The following CELF2 variants were observed in gnomAD, a reference collection of about 807,000 sequenced individuals.
CELF2 encodes CUGBP Elav-like family member 2, also known as CUG triplet repeat RNA-binding protein 2.
A neutral mutation model predicts 62.6 loss-of-function variants in CELF2; 8 were observed. That is an observed-to-expected ratio of 0.13 (90% CI 0.07 to 0.23). CELF2 has a LOEUF of 0.23. Among genes scored for constraint, CELF2 ranks in the 10% least tolerant of loss-of-function variants. The pLI, the probability that CELF2 is intolerant of heterozygous loss-of-function variation, is 1.00. For missense variants in CELF2, 333 were observed against 671.0 expected (o/e 0.50, Z 5.56); for synonymous variants, 258 against 250.0 (o/e 1.03, Z -0.30).
At chr10:10,663,177 C>T in the CELF2 span, among the ~76,000 whole-genome samples, 1 of 152,210 alleles carries the variant, frequency 6.6e-6, no homozygotes, top group African/African-American at 2.4e-5. Context: ...GCAGCAGCTG[C>T]TGTGTACACT....
chr10:10,945,676 G>T (rs1592250279), intron 2 of CELF2, among the ~76,000 whole-genome samples: 1 of 152,128 alleles, frequency 6.6e-6, no homozygotes, highest in Non-Finnish European at 1.5e-5. Flanking sequence ...CCCCTCTCTG[G>T]GTGTATCTGA....
chr10:11,229,168 T>C (rs956523202), intron 3 of CELF2, among the ~76,000 whole-genome samples: 3 of 152,202 alleles, frequency 2.0e-5, no homozygotes, highest in African/African-American at 7.2e-5. Context: ...AGCCTGTTGC[T>C]CTTTTCAGCA....
chr10:10,950,892 GA>G (rs1373296163), intron 2 of CELF2, among the ~76,000 whole-genome samples: 1 of 152,192 alleles, frequency 6.6e-6, no homozygotes, highest in African/African-American at 2.4e-5. Flanking sequence ...AGCCAAAGGA[GA>G]ATTTCCACAG....
chr10:11,112,164 G>T (rs1017622443), intron 1 of CELF2, among the ~76,000 whole-genome samples: 2 of 152,234 alleles, frequency 1.3e-5, no homozygotes, highest in Non-Finnish European at 2.9e-5. Flanking sequence ...TGATGCTCTT[G>T]CATGTGCCAC....
At chr10:10,926,222 G>A (rs1451695717) in intron 2 of CELF2, among the ~76,000 whole-genome samples, 1 of 152,148 alleles carries the variant, frequency 6.6e-6, no homozygotes, top group Admixed American at 6.5e-5. Context: ...TGTGACTCTG[G>A]GGAGGTGAGA....
chr10:10,821,618 C>T (rs888953914), intron 1 of CELF2, among the ~76,000 whole-genome samples: 3 of 152,112 alleles, frequency 2.0e-5, no homozygotes, highest in Admixed American at 1.3e-4. Context: ...AGCTCCAGGG[C>T]TTACCACAGT....
Position 10,957,281 on chromosome 10 carries a change from A to T in CELF2, c.89+37282A>T, listed in dbSNP as rs2049006800. Among the ~76,000 whole-genome samples the T allele has an allele frequency of 6.6e-6, 1 of 152,250 alleles. No individual in the cohort carries two copies. Among genetic ancestry groups the T allele is most frequent in the Non-Finnish European group, 1.5e-5 (1 of 68,046 alleles). On this transcript the variant is annotated intron_variant, in intron 2 of 13. Coordinates refer to the CELF2 transcript ENST00000636488. The surrounding 1 kb of genome is among the most constrained non-coding windows in gnomAD (Gnocchi z 4.1). ...ACCTCAGGTGCTGGTAAAGTTATTG[A>T]AAGAAGTACATTACAGGTAATGGTA...
At chr10:10,870,274 A>C (rs2060654785) in intron 1 of CELF2, among the ~76,000 whole-genome samples, 1 of 152,206 alleles carries the variant, frequency 6.6e-6, no homozygotes, top group South Asian at 2.1e-4. Flanking sequence ...TATATATAAA[A>C]AAAGGCCATA....
At chr10:11,137,248 T>TC (rs1193107448) in intron 1 of CELF2, among the ~76,000 whole-genome samples, 2 of 152,228 alleles carry the variant, frequency 1.3e-5, no homozygotes, top group Non-Finnish European at 2.9e-5. Flanking sequence ...CAGAAGATCC[T>TC]CGCTTGGGAG....
At chr10:10,553,678 G>A in the CELF2 span, among the ~76,000 whole-genome samples, 2 of 152,218 alleles carry the variant, frequency 1.3e-5, no homozygotes, top group African/African-American at 4.8e-5. Context: ...CTCTGCAGAA[G>A]TGATGACTGA....
chr10:10,531,847 C>T, the CELF2 span, among the ~76,000 whole-genome samples: 2 of 152,348 alleles, frequency 1.3e-5, no homozygotes, highest in East Asian at 1.9e-4. Context: ...ATAGTCAGCA[C>T]TCTGTGGTCC....
Position 11,329,541 on chromosome 10 carries a change from AACTTGGTGGCCTAGGAG to A in CELF2, c.*490_*506del, listed in dbSNP as rs1265781611. The A allele has an allele frequency of 4.6e-5, 7 of 152,616 alleles. No homozygotes were observed. The highest frequency in any genetic ancestry group is 1.0e-4 in the Non-Finnish European group (7 of 68,044). The allele number at this position is 152,616 out of a possible 1,614,324, so 9.5% of individuals were successfully genotyped here. A position where few individuals can be genotyped will look rare whatever the true frequency, so the allele number is the denominator to read the frequency against. Reference sequence around the variant, plus strand: ...AGGGAGGGCCCGGTGCTTAGAGGTTAACTTGGTGGCCTAGGAGAGGGAGAAGCCAGGAGAAGCACTTA... The same window carrying A: ...AGGGAGGGCCCGGTGCTTAGAGGTTAAGGGAGAAGCCAGGAGAAGCACTTA... On this transcript the variant is annotated 3_prime_UTR_variant, in exon 13 of 13. Transcript: ENST00000633077. The surrounding 1 kb of genome is among the most constrained non-coding windows in gnomAD (Gnocchi z 5.5).
rs76982431 is a variant in CELF2, at chr10:10,928,454, A to G, written c.89+8455A>G. 2.5e-3 allele frequency among the ~76,000 whole-genome samples: 376 copies of G among 152,304 alleles called. 4 individuals carry two copies. Among genetic ancestry groups the G allele is most frequent in the African/African-American group, 8.8e-3 (365 of 41,566 alleles). ...TCTAGATCCGGATTTTGCAAACTAC[A>G]GCCCACAGACGAAATCTAGATAGTG... On this transcript the variant is annotated intron_variant, in intron 2 of 13. Coordinates refer to the CELF2 transcript ENST00000636488. This position sits in a 1 kb window ranked among gnomAD's most constrained non-coding sequence, Gnocchi z 4.8.
chr10:11,282,439 A>G (rs893872043), intron 8 of CELF2, among the ~76,000 whole-genome samples: 1 of 152,214 alleles, frequency 6.6e-6, no homozygotes, highest in Non-Finnish European at 1.5e-5. Flanking sequence ...GAGAGTCACA[A>G]TGCCCACACC....
chr10:10,770,136 T>G, the CELF2 span, among the ~76,000 whole-genome samples: 2 of 152,150 alleles, frequency 1.3e-5, no homozygotes, highest in African/African-American at 4.8e-5. Flanking sequence ...TCTAGATGGA[T>G]GCGGTGCGAT....
At position 11,207,698 on chromosome 10, in the gene CELF2, G is replaced by A. The variant is rs560438212; in HGVS notation, c.272-9727G>A. Among the ~76,000 whole-genome samples the A allele has an allele frequency of 5.3e-5, 8 of 152,344 alleles. No individual in the cohort carries two copies. The highest frequency in any genetic ancestry group is 7.3e-5 in the Non-Finnish European group (5 of 68,040). Reference sequence around the variant, plus strand: ...CACATAACTCACATACGGAAGGCCCGATGGCAGCATCGCCCGTCAGCTTCC... The same window carrying A: ...CACATAACTCACATACGGAAGGCCCAATGGCAGCATCGCCCGTCAGCTTCC... On this transcript the variant is annotated intron_variant, in intron 2 of 12. Coordinates refer to ENST00000633077, the MANE Select transcript of CELF2 (RefSeq NM_001326342.2). This position sits in a 1 kb window ranked among gnomAD's most constrained non-coding sequence, Gnocchi z 4.1.
the CELF2 span, among the ~76,000 whole-genome samples, chr10:10,465,524 T>C: frequency 6.6e-6 from 1 of 152,134 alleles, no homozygotes; most frequent in Non-Finnish European, 1.5e-5. Flanking sequence ...GAAAAAATTC[T>C]TATGGATGTA....
chr10:11,180,931 G>A (rs972267116), intron 2 of CELF2, among the ~76,000 whole-genome samples: 2 of 152,124 alleles, frequency 1.3e-5, no homozygotes, highest in South Asian at 2.1e-4. Context: ...GTGCAATGAC[G>A]CGATCTCGGC....
In CELF2 at chr10:11,336,388, G is replaced by A. The variant is rs912028644; in HGVS notation, c.*7335G>A. 20 of 152,548 alleles carry A rather than the reference G, an allele frequency of 1.3e-4. No individual in the cohort carries two copies. The highest frequency in any genetic ancestry group is 3.3e-4 in the Admixed American group (5 of 15,276). The allele number at this position is 152,548 out of a possible 1,614,324, so 9.4% of individuals were successfully genotyped here. ...TATTATCTTCATGTGACCATGAAAC[G>A]TTTCTATTGAGTGAAAATGATATCT... On this transcript the variant is annotated 3_prime_UTR_variant, in exon 13 of 13. Coordinates refer to ENST00000633077, the MANE Select transcript of CELF2 (RefSeq NM_001326342.2). The surrounding 1 kb of genome is among the most constrained non-coding windows in gnomAD (Gnocchi z 5.4).
Sources: allele counts gnomAD v4.1 joint callset (sites outside exome capture counted in the v4.1 genomes callset), GRCh38; gene constraint gnomAD v4.1.1; non-coding constraint Gnocchi (gnomAD v3.1); transcripts MANE v1.5; gene names NCBI Gene and HGNC (gene_info 2026-07-23, HGNC 2026-07-21).